Variants in ANO1 observed in about 807,000 individuals in gnomAD.
ANO1 encodes the protein anoctamin-1.
Under a neutral mutation model 124.0 loss-of-function variants are expected in ANO1, and 59 were observed. That is an observed-to-expected ratio of 0.48 (90% CI 0.39 to 0.59). The LOEUF is 0.59. Ranked by LOEUF, ANO1 falls within the 20% of genes least tolerant of loss-of-function variation. The probability of loss-of-function intolerance (pLI) is 0.00; values close to 1 mark genes in which losing one functional copy is unlikely to be tolerated. For synonymous variants in ANO1, 529 were observed against 532.0 expected, an observed-to-expected ratio of 0.99 and a Z score of 0.08; for missense variants, 1,059 against 1,328.0, an observed-to-expected ratio of 0.80 and a Z score of 3.15.
chr11:70,024,934 T>C (rs1231984027), intron 1 of ANO1, among the ~76,000 whole-genome samples: 2 of 152,222 alleles, frequency 1.3e-5, no homozygotes, highest in Non-Finnish European at 2.9e-5. Context: ...GAAGCTCTGT[T>C]GAGCCAGGGA....
At chr11:70,147,247 A>G (rs999517208) in intron 11 of ANO1, among the ~76,000 whole-genome samples, 4 of 152,248 alleles carry the variant, frequency 2.6e-5, no homozygotes, top group Admixed American at 6.5e-5. Context: ...CAGACCAGGC[A>G]GAGACCAGGG....
intron 1 of ANO1, among the ~76,000 whole-genome samples, chr11:70,038,962 A>G (rs919181205): frequency 6.6e-6 from 1 of 152,152 alleles, no homozygotes; most frequent in African/African-American, 2.4e-5. Flanking sequence ...AATACAGGAG[A>G]AAAAATGGAA....
intron 1 of ANO1, among the ~76,000 whole-genome samples, chr11:70,035,355 C>A (rs1445204155): frequency 6.6e-6 from 1 of 152,020 alleles, no homozygotes; most frequent in Non-Finnish European, 1.5e-5. Context: ...CCTGCGCTGG[C>A]GAACTTTTCA....
chr11:69,974,459 C>T, the ANO1 span, among the ~76,000 whole-genome samples: 3 of 152,236 alleles, frequency 2.0e-5, no homozygotes, highest in Non-Finnish European at 4.4e-5. Context: ...TCATGAACGA[C>T]CGCTTTACAG....
intron 22 of ANO1, among the ~76,000 whole-genome samples, chr11:70,174,996 C>T (rs1163546665): frequency 6.6e-6 from 1 of 152,032 alleles, no homozygotes; most frequent in East Asian, 1.9e-4. Context: ...CTCAGGCAGC[C>T]GACAGTACCC....
At chr11:70,108,283 C>G (rs1012290921) in intron 5 of ANO1, 70 bp from the exon 6 acceptor site, 112 of 1,495,074 alleles carry the variant, frequency 7.5e-5, no homozygotes, top group Non-Finnish European at 9.8e-5. Context: ...TCTCCAGCCA[C>G]AGCAGACTGT....
At chr11:70,108,144 C>T (rs2045632372) in intron 5 of ANO1, 2 of 499,898 alleles carry the variant, frequency 4.0e-6, no homozygotes, top group Admixed American at 6.3e-5. Context: ...CTGTTTCTCC[C>T]TGAGAAGCTC....
At chr11:70,031,920 G>C (rs1857008570) in intron 1 of ANO1, among the ~76,000 whole-genome samples, 1 of 152,158 alleles carries the variant, frequency 6.6e-6, no homozygotes, top group Non-Finnish European at 1.5e-5. Context: ...CAGGGAATCT[G>C]TGTGGCACCG....
the ANO1 span, among the ~76,000 whole-genome samples, chr11:69,978,367 T>G: frequency 6.6e-6 from 1 of 152,188 alleles, no homozygotes; most frequent in Non-Finnish European, 1.5e-5. Flanking sequence ...TTGGTTTTCT[T>G]GAGACAGGCC....
intron 1 of ANO1, among the ~76,000 whole-genome samples, chr11:70,039,967 A>T (rs1185819568): frequency 6.6e-6 from 1 of 152,170 alleles, no homozygotes; most frequent in Non-Finnish European, 1.5e-5. Flanking sequence ...GATGACCCAG[A>T]AGGAGTAGCA....
chr11:70,103,668 C>T (rs984333248), intron 3 of ANO1, among the ~76,000 whole-genome samples: 3 of 152,194 alleles, frequency 2.0e-5, no homozygotes, highest in South Asian at 2.1e-4. Flanking sequence ...GGCAGGCGGA[C>T]GGGTGAAGCC....
the ANO1 span, among the ~76,000 whole-genome samples, chr11:69,966,341 G>A: frequency 1.3e-5 from 2 of 152,174 alleles, no homozygotes; most frequent in African/African-American, 4.8e-5. Context: ...TGGCATCCAG[G>A]GGAAGTGTCT....
At chr11:70,059,788 A>T (rs1453678169) in intron 1 of ANO1, among the ~76,000 whole-genome samples, 3 of 152,142 alleles carry the variant, frequency 2.0e-5, no homozygotes, top group Admixed American at 6.5e-5. Flanking sequence ...GTGAGGCAAG[A>T]AGAATGAATT....
Position 70,165,499 on chromosome 11 carries a change from A to C in ANO1, c.1980A>C (p.Leu660=). 1 of 1,611,946 alleles carries C rather than the reference A, an allele frequency of 6.2e-7. No individual in the cohort carries two copies. The change falls in exon 20 of 26, where the codon CTA becomes CTC. Residue 660 remains leucine, a synonymous_variant. Coordinates refer to ENST00000355303, the MANE Select transcript of ANO1 (RefSeq NM_018043.7). ...ECAPGGCLME[L]CIQLSIIMLG... ...CGCCAGGGGGCTGCCTGATGGAGCT[A>C]TGCATCCAGCTCAGCATCATCATGC...
chr11:70,100,005 A>G (rs1347136828), intron 2 of ANO1, among the ~76,000 whole-genome samples: 2 of 152,112 alleles, frequency 1.3e-5, no homozygotes, highest in Admixed American at 1.3e-4. Context: ...CAGTTCTCAG[A>G]GGGAGCCCAA....
chr11:70,040,480 T>C (rs10899566), intron 1 of ANO1, among the ~76,000 whole-genome samples: 96,291 of 152,030 alleles, frequency 0.63, 31,030 homozygotes, highest in East Asian at 0.91. Context: ...AGTTCGAGAG[T>C]GGCCTGGCCA....
intron 11 of ANO1, among the ~76,000 whole-genome samples, chr11:70,137,715 G>A (rs1189439895): frequency 6.8e-6 from 1 of 146,730 alleles, no homozygotes; most frequent in Admixed American, 7.2e-5. Flanking sequence ...CCCGGCTCAG[G>A]TTCAAATCCC....
upstream of ANO1, among the ~76,000 whole-genome samples, chr11:70,077,942 G>T (rs147216318): frequency 1.3e-5 from 2 of 152,154 alleles, no homozygotes; most frequent in East Asian, 3.9e-4. Context: ...AAGCTCCCCG[G>T]AGGAGGTGAG....
chr11:70,084,559 C>T (rs940797645), intron 1 of ANO1, among the ~76,000 whole-genome samples: 3 of 152,170 alleles, frequency 2.0e-5, no homozygotes, highest in Non-Finnish European at 4.4e-5. Context: ...GTGTCCAGAG[C>T]CTCCCCCAGG....
Sources: gnomAD v4.1 joint callset for allele counts (sites outside exome capture counted in the v4.1 genomes callset) on GRCh38, gnomAD v4.1.1 for gene constraint, MANE v1.5 for transcripts, NCBI Gene and HGNC (gene_info 2026-07-23, HGNC 2026-07-21) for gene names.